Variants in SCGN observed in about 807,000 individuals in gnomAD.
The protein encoded by SCGN is secretagogin.
A neutral mutation model predicts 39.7 loss-of-function variants in SCGN; 30 were observed. That is an observed-to-expected ratio of 0.76 (90% CI 0.57 to 1.03). The LOEUF is 1.03. Ranked by LOEUF, SCGN falls within the 50% of genes least tolerant of loss-of-function variation. The pLI is 0.00. For synonymous variants in SCGN, 106 were observed against 114.1 expected (o/e 0.93, Z 0.45); for missense variants, 353 against 349.4 (o/e 1.01, Z -0.08).
At chr6:25,659,132 T>C (rs1176012010) in intron 2 of SCGN, among the ~76,000 whole-genome samples, 1 of 152,208 alleles carries the variant, frequency 6.6e-6, no homozygotes, top group East Asian at 1.9e-4. Context: ...GGAACTTCCC[T>C]AGCATTAAAA....
chr6:25,689,111 A>C (rs549056722), intron 7 of SCGN, 61 bp from the exon 8 acceptor site: 141 of 1,219,118 alleles, frequency 1.2e-4, no homozygotes, highest in Non-Finnish European at 1.6e-4. Flanking sequence ...CAGGGCTATA[A>C]GTTTTCGTAT....
rs1759911170 is a variant in SCGN, at chr6:25,701,384, T to A, written c.*49T>A. ...TCTTACTATGTTTCTGTGATCTTGC[T>A]GGTAGAATTGTATCTGTGCATTGAT... On this transcript the variant is annotated 3_prime_UTR_variant, in exon 11 of 11. Transcript: ENST00000377961. 1 of 1,588,780 alleles carries A rather than the reference T, an allele frequency of 6.3e-7. No homozygotes were observed. Among genetic ancestry groups the A allele is most frequent in the Non-Finnish European group, 8.6e-7 (1 of 1,167,852 alleles).
intron 10 of SCGN, among the ~76,000 whole-genome samples, chr6:25,700,133 C>A (rs942632641): frequency 2.0e-5 from 3 of 150,692 alleles, no homozygotes; most frequent in Non-Finnish European, 4.4e-5. Flanking sequence ...TAAGCCCAGC[C>A]ACTCGGGAAG....
chr6:25,670,081 G>A lies in SCGN; in HGVS notation c.471+5G>A, dbSNP rs775767901. 2 of 1,595,212 alleles carry A rather than the reference G, an allele frequency of 1.3e-6. No homozygotes were observed. The highest frequency in any genetic ancestry group is 1.7e-6 in the Non-Finnish European group (2 of 1,162,834). On this transcript the variant is annotated splice_donor_5th_base_variant and intron_variant, in intron 6 of 10. Coordinates refer to ENST00000377961, the MANE Select transcript of SCGN (RefSeq NM_006998.4). ...GAAGAATACACTGGCACCATGGTAA[G>A]TAATGAGTAATGTAATCTCCATGAG...
rs934996645 is a variant in SCGN, at chr6:25,654,845, G to A, written c.153+1393G>A. ...CCCTGTGCAGCCTGTGAAGTGAAAG[G>A]ATCAGCAGACGAGAAGGATAGAGAC... On this transcript the variant is annotated intron_variant, in intron 2 of 10. Transcript: ENST00000377961. Among the ~76,000 whole-genome samples the A allele has an allele frequency of 9.2e-5, 14 of 152,256 alleles. No homozygotes were observed. The East Asian group carries it at 2.7e-3, about 29-fold the overall frequency.
intron 4 of SCGN, among the ~76,000 whole-genome samples, chr6:25,668,763 A>T (rs116805881): frequency 6.6e-6 from 1 of 152,084 alleles, no homozygotes; most frequent in Non-Finnish European, 1.5e-5. Context: ...ATGCTTTCCC[A>T]TCATGTCGGG....
chr6:25,665,073 G>C, intron 4 of SCGN, 41 bp downstream of exon 4: 1 of 1,494,858 alleles, frequency 6.7e-7, no homozygotes, highest in Non-Finnish European at 9.3e-7. Context: ...AGAGGACTGA[G>C]ACAAGGCTAC....
intron 2 of SCGN, among the ~76,000 whole-genome samples, chr6:25,659,465 C>CCTTCT (rs1331043190): frequency 6.6e-6 from 1 of 152,148 alleles, no homozygotes; most frequent in Non-Finnish European, 1.5e-5. Flanking sequence ...GCTGCATCAC[C>CCTTCT]CTTCTGGCCT....
In SCGN at chr6:25,661,580, A is replaced by G; in HGVS notation, c.182A>G (p.Lys61Arg). Residue 61 changes from lysine (K) to arginine (R), a missense_variant, in exon 3 of 11, where the codon AAG becomes AGG. Coordinates refer to ENST00000377961, the MANE Select transcript of SCGN (RefSeq NM_006998.4). ...DDTVMKANLH[K>R]VKQQFMTTQD... is the part of the protein sequence containing the mutation. ...ACGGTCATGAAAGCAAATTTGCACA[A>G]GGTGAAACAGCAGTTTATGACTACC... 5.0e-6 allele frequency: 8 copies of G among 1,613,724 alleles called. No individual in the cohort carries two copies. Among genetic ancestry groups the G allele is most frequent in the Non-Finnish European group, 6.8e-6 (8 of 1,179,708 alleles).
chr6:25,656,594 G>T (rs1760231810), intron 2 of SCGN, among the ~76,000 whole-genome samples: 1 of 152,148 alleles, frequency 6.6e-6, no homozygotes, highest in Non-Finnish European at 1.5e-5. Flanking sequence ...CTCACATACA[G>T]ACTGTACCAC....
chr6:25,688,801 C>CAAAA (rs10626691), intron 7 of SCGN, among the ~76,000 whole-genome samples: 107 of 103,122 alleles, frequency 1.0e-3, no homozygotes, highest in Admixed American at 2.9e-3. Context: ...GATTCTGTCT[C>CAAAA]AAAAAAAAAA....
intron 3 of SCGN, 120 bp from the exon 4 acceptor site, chr6:25,664,823 A>T: frequency 1.5e-6 from 1 of 647,602 alleles, no homozygotes. Flanking sequence ...CGAGCTGTTC[A>T]TCCTGGAAGA....
At position 25,681,937 on chromosome 6, in the gene SCGN, CT is replaced by C; in HGVS notation, c.472-12del. 1.2e-6 allele frequency: 2 copies of C among 1,609,594 alleles called. No homozygotes were observed. The highest frequency in any genetic ancestry group is 2.2e-5 in the South Asian group (2 of 90,966). ...CCTGTTACAAGTACAACCATTTTCC[CT>C]TCTGCATTTCAGATGAAGATTTTTG... On this transcript the variant is annotated splice_polypyrimidine_tract_variant and intron_variant, in intron 6 of 10. Transcript: ENST00000377961.
At chr6:25,696,409 G>T (rs1378895353) in intron 10 of SCGN, among the ~76,000 whole-genome samples, 1 of 151,844 alleles carries the variant, frequency 6.6e-6, no homozygotes, top group Non-Finnish European at 1.5e-5. Context: ...ACTATATATA[G>T]CCTATTACAG....
intron 4 of SCGN, among the ~76,000 whole-genome samples, chr6:25,668,391 C>T (rs534698985): frequency 3.1e-4 from 47 of 152,210 alleles, no homozygotes; most frequent in Non-Finnish European, 4.9e-4. Flanking sequence ...TGTTCTGGTT[C>T]GTAACTGCTT....
chr6:25,688,271 G>T (rs1189123549), intron 7 of SCGN, among the ~76,000 whole-genome samples: 1 of 152,100 alleles, frequency 6.6e-6, no homozygotes, highest in African/African-American at 2.4e-5. Context: ...CTGGTGTATT[G>T]ATGACTTTTG....
At chr6:25,688,726 T>C (rs1182603719) in intron 7 of SCGN, among the ~76,000 whole-genome samples, 1 of 146,662 alleles carries the variant, frequency 6.8e-6, no homozygotes, top group East Asian at 2.1e-4. Flanking sequence ...GGTGTGAACC[T>C]GGGAGGCGGA....
In SCGN at chr6:25,653,414, GCTTT is replaced by G. The variant is rs1561758484; in HGVS notation, c.122_125del (p.Phe41SerfsTer4). ...TTACATAGAAGAGAAGGAACTCGAT[GCTTT>G]CTTTCTCCACATGTTGATGAAACTG... On this transcript the variant is annotated frameshift_variant, in exon 2 of 11. Transcript: ENST00000377961. LOFTEE classifies it high-confidence loss of function. 2 of 1,613,156 alleles carry G rather than the reference GCTTT, an allele frequency of 1.2e-6. No homozygotes were observed. The highest frequency in any genetic ancestry group is 1.7e-6 in the Non-Finnish European group (2 of 1,179,404).
At chr6:25,691,031 G>C (rs761726758) in intron 9 of SCGN, 25 bp from the exon 10 acceptor site, 7 of 1,600,422 alleles carry the variant, frequency 4.4e-6, no homozygotes, top group Non-Finnish European at 6.0e-6. Context: ...CTGATATTTG[G>C]GCAATTGGAT....
Sources: gnomAD v4.1 joint callset for allele counts (sites outside exome capture counted in the v4.1 genomes callset) on GRCh38, gnomAD v4.1.1 for gene constraint, MANE v1.5 for transcripts, NCBI Gene and HGNC (gene_info 2026-07-23, HGNC 2026-07-21) for gene names.